WSCD1: variants seen among roughly 807,000 people sequenced by gnomAD.
WSCD1 encodes the protein WSC domain sialate O sulfotransferase 1.
Under a neutral mutation model 60.4 loss-of-function variants are expected in WSCD1, and 41 were observed. That is an observed-to-expected ratio of 0.68 (90% CI 0.53 to 0.88). The LOEUF (loss-of-function observed/expected upper bound fraction) is 0.88, where lower values mean the gene tolerates loss of function less well. Among genes scored for constraint, WSCD1 ranks in the 40% least tolerant of loss-of-function variants. The pLI, the probability that WSCD1 is intolerant of heterozygous loss-of-function variation, is 0.00. For missense variants in WSCD1, 784 were observed against 796.2 expected, an observed-to-expected ratio of 0.98 and a Z score of 0.18; for synonymous variants, 361 against 332.5, an observed-to-expected ratio of 1.09 and a Z score of -0.93.
At chr17:6,099,227 G>C (rs1399912218) in intron 5 of WSCD1, among the ~76,000 whole-genome samples, 2 of 152,096 alleles carry the variant, frequency 1.3e-5, no homozygotes, top group Non-Finnish European at 2.9e-5. Context: ...AGAAAAGGCG[G>C]CTTAAAGGGC....
intron 4 of WSCD1, among the ~76,000 whole-genome samples, chr17:6,094,873 A>C (rs1910316572): frequency 6.6e-6 from 1 of 152,284 alleles, no homozygotes; most frequent in Middle Eastern, 3.4e-3. Context: ...AGTTTCAGCC[A>C]AGTGGTCCCT....
intron 7 of WSCD1, among the ~76,000 whole-genome samples, chr17:6,113,912 T>C (rs930280101): frequency 6.6e-6 from 1 of 151,970 alleles, no homozygotes; most frequent in Non-Finnish European, 1.5e-5. Flanking sequence ...CTAGTACAGC[T>C]CTTACGGAAA....
Position 6,121,760 on chromosome 17 carries a change from A to G in WSCD1, c.*1099A>G, listed in dbSNP as rs879505147. The G allele has an allele frequency of 1.5e-4, 2 of 13,188 alleles. No homozygotes were observed. Among genetic ancestry groups the G allele is most frequent in the Admixed American group, 1.3e-3 (2 of 1,482 alleles). The allele number at this position is 13,188 out of a possible 1,614,324, so 0.8% of individuals were successfully genotyped here. A position where few individuals can be genotyped will look rare whatever the true frequency, so the allele number is the denominator to read the frequency against. ...CACACTGGGGTCATGAGAGCTAGTTAGTACTCAGCCTGACCCCTAGGTCTG... is the reference window on the plus strand; with the variant it reads ...CACACTGGGGTCATGAGAGCTAGTTGGTACTCAGCCTGACCCCTAGGTCTG... On this transcript the variant is annotated 3_prime_UTR_variant, in exon 9 of 9. Transcript: ENST00000317744.
Position 6,082,195 on chromosome 17 carries a change from C to A in WSCD1, c.427+1110C>A, listed in dbSNP as rs566056424. ...AGTTGAGTCAATTGCCAAGGTTATT[C>A]TCTTAGTGTGGGTTCCCTAGAAGCA... On this transcript the variant is annotated intron_variant, in intron 2 of 8. Transcript: ENST00000317744. Among the ~76,000 whole-genome samples, 37 of 152,274 alleles carry A rather than the reference C, an allele frequency of 2.4e-4. No homozygotes were observed. In the South Asian group the frequency reaches 7.7e-3, roughly 32 times the overall value.
At chr17:6,097,668 C>T (rs756137899) in intron 5 of WSCD1, among the ~76,000 whole-genome samples, 8 of 152,358 alleles carry the variant, frequency 5.3e-5, no homozygotes, top group Admixed American at 6.5e-5. Context: ...TGTGTATGTA[C>T]GTAGATCACT....
rs770928934 is a variant in WSCD1, at chr17:6,080,774, G to A, written c.116G>A (p.Arg39His). 1.6e-5 allele frequency: 25 copies of A among 1,611,818 alleles called. No individual in the cohort carries two copies. The East Asian group carries it at 2.0e-4, about 13-fold the overall frequency. Residue 39 changes from arginine to histidine, a missense_variant, in exon 2 of 9, where the codon CGC becomes CAC. Coordinates refer to ENST00000317744, the MANE Select transcript of WSCD1 (RefSeq NM_015253.2). This position sits in a 1 kb window ranked among gnomAD's most constrained non-coding sequence, Gnocchi z 6.6. ...AGCCTGCTGCTGCTGCAGCGGGTCC[G>A]CGTGGCTCTCCCACAGGGCCCCCGG... Reference protein sequence around the residue: ...TGSLLLLQRVRVALPQGPRAP... With the variant: ...TGSLLLLQRVHVALPQGPRAP...
chr17:6,079,373 C>T (rs1245932540), intron 1 of WSCD1, among the ~76,000 whole-genome samples: 2 of 152,192 alleles, frequency 1.3e-5, no homozygotes, highest in African/African-American at 2.4e-5. Context: ...CACGCAACAG[C>T]CCAGGTCGTG....
rs1041102938 is a variant in WSCD1, at chr17:6,109,778, A to G, written c.1009+12A>G. 4 of 1,606,012 alleles carry G rather than the reference A, an allele frequency of 2.5e-6. No homozygotes were observed. The highest frequency in any genetic ancestry group is 1.3e-5 in the African/African-American group (1 of 74,918). ...GACACCTGTGCAAGGTGGGTTCTGC[A>G]TCCCCGACTGGTAGTGGCATTTGGT... On this transcript the variant is annotated intron_variant, in intron 6 of 8. Coordinates refer to ENST00000317744, the MANE Select transcript of WSCD1 (RefSeq NM_015253.2).
At chr17:6,107,768 C>T (rs938990363) in intron 5 of WSCD1, among the ~76,000 whole-genome samples, 5 of 152,070 alleles carry the variant, frequency 3.3e-5, no homozygotes, top group Non-Finnish European at 5.9e-5. Flanking sequence ...CTGTAGAGGC[C>T]GGAGGTGGCA....
At chr17:6,115,604 T>C (rs998580327) in intron 7 of WSCD1, among the ~76,000 whole-genome samples, 3 of 152,162 alleles carry the variant, frequency 2.0e-5, no homozygotes, top group Non-Finnish European at 4.4e-5. Context: ...TTTCTTTTTT[T>C]TTGAGATAGA....
chr17:6,090,448 G>A lies in WSCD1; in HGVS notation c.670G>A (p.Ala224Thr), dbSNP rs1451151924. The A allele has an allele frequency of 1.9e-6, 3 of 1,613,294 alleles. No individual in the cohort carries two copies. The highest frequency in any genetic ancestry group is 2.5e-6 in the Non-Finnish European group (3 of 1,179,710). Residue 224 changes from alanine to threonine, a missense_variant, in exon 4 of 9, where the codon GCT becomes ACT. By Grantham distance (58) the Ala-to-Thr change is moderately conservative. Transcript: ENST00000317744. ...AGGCGAGAAGGGCTCTGTGTGCGGG[G>A]CTGTGGACCGGCTCTCCGTGTACCG... ...CKGEKGSVCG[A>T]VDRLSVYRVD...
intron 7 of WSCD1, among the ~76,000 whole-genome samples, chr17:6,115,275 T>G (rs976147056): frequency 6.6e-6 from 1 of 152,234 alleles, no homozygotes; most frequent in African/African-American, 2.4e-5. Flanking sequence ...TTTCTTGAAT[T>G]TTCCTTAATT....
Position 6,095,177 on chromosome 17 carries a change from A to C in WSCD1, c.803A>C (p.Gln268Pro), listed in dbSNP as rs1910339631. ...ITHAFPSSLI[Q>P]ANVTVGTCSG... ...CATGCCTTCCCCAGCTCCCTGATAC[A>C]GGCCAATGTGACCGTGGGGACTTGC... Residue 268 changes from glutamine (Q) to proline (P), a missense_variant, in exon 5 of 9, where the codon CAG becomes CCG. By Grantham distance (76) the Gln-to-Pro change is moderately conservative. Transcript: ENST00000317744. 1.2e-6 allele frequency: 2 copies of C among 1,613,660 alleles called. No individual in the cohort carries two copies.
chr17:6,099,532 G>T (rs567558719), intron 5 of WSCD1, among the ~76,000 whole-genome samples: 271 of 151,174 alleles, frequency 1.8e-3, no homozygotes, highest in African/African-American at 6.2e-3. Context: ...AAAAAAAAAA[G>T]AGAGCAACTG....
Position 6,095,109 on chromosome 17 carries a change from C to T in WSCD1, c.735C>T (p.Thr245=), listed in dbSNP as rs150215510. The T allele has an allele frequency of 2.9e-4, 469 of 1,610,856 alleles. 4 individuals are homozygous for T. The highest frequency in any genetic ancestry group is 2.2e-3 in the South Asian group (196 of 90,352). The change falls in exon 5 of 9, where the codon ACC becomes ACT. Residue 245 remains threonine, a synonymous_variant. Transcript: ENST00000317744. ...ELQPGSRKRR[T]ATYRGCFRLP... ...CCCTCTCTTTTCCCCCAGGGCGGAC[C>T]GCCACCTACCGCGGATGCTTCCGAC... is the stretch of plus-strand genomic sequence containing the variant.
At chr17:6,076,746 C>G (rs910448328) in intron 1 of WSCD1, among the ~76,000 whole-genome samples, 1 of 152,172 alleles carries the variant, frequency 6.6e-6, no homozygotes, top group African/African-American at 2.4e-5. Flanking sequence ...CTCCCAGGCC[C>G]TATGCAGATG....
chr17:6,108,857 A>T (rs1420895111), intron 5 of WSCD1, among the ~76,000 whole-genome samples: 1 of 152,182 alleles, frequency 6.6e-6, no homozygotes, highest in Non-Finnish European at 1.5e-5. Context: ...ACAGAGTGAG[A>T]CGACTCCTCT....
intron 5 of WSCD1, among the ~76,000 whole-genome samples, chr17:6,095,586 G>T (rs75792852): frequency 6.6e-6 from 1 of 152,228 alleles, no homozygotes; most frequent in African/African-American, 2.4e-5. Context: ...TTCTGTTATT[G>T]GTGCTGACGG....
chr17:6,120,875 A>C lies in WSCD1; in HGVS notation c.*214A>C, dbSNP rs1036209298. 3.4e-5 allele frequency: 20 copies of C among 586,448 alleles called. No individual in the cohort carries two copies. Among genetic ancestry groups the C allele is most frequent in the African/African-American group, 2.2e-4 (12 of 53,630 alleles). 36.3% of individuals were successfully genotyped at this position (586,448 alleles called of 1,614,324 possible). On this transcript the variant is annotated 3_prime_UTR_variant, in exon 9 of 9. Transcript: ENST00000317744. The stretch of plus-strand genomic sequence containing the variant: ...GACACACATACCTGGCCACGAACCC[A>C]CACCTCCTCAGACACTCAGACACCA...
Sources: gnomAD v4.1 joint callset for allele counts (sites outside exome capture counted in the v4.1 genomes callset) on GRCh38, gnomAD v4.1.1 for gene constraint, Gnocchi (gnomAD v3.1) non-coding constraint, MANE v1.5 for transcripts, NCBI Gene and HGNC (gene_info 2026-07-23, HGNC 2026-07-21) for gene names.